Variants in FHOD3 observed in about 807,000 individuals in gnomAD.
The protein encoded by FHOD3 is formin homology 2 domain containing 3.
In FHOD3, 90 loss-of-function variants were observed where a neutral mutation model predicts 173.0. The ratio of observed to expected loss-of-function variants is 0.52; its 90% CI spans 0.44 to 0.62. FHOD3 has a LOEUF of 0.62. Among genes scored for constraint, FHOD3 ranks in the 20% least tolerant of loss-of-function variants. The pLI, the probability that FHOD3 is intolerant of heterozygous loss-of-function variation, is 0.00. For synonymous variants in FHOD3, 828 were observed against 823.0 expected, an observed-to-expected ratio of 1.01 and a Z score of -0.10; for missense variants, 1,945 against 2,034.7, an observed-to-expected ratio of 0.96 and a Z score of 0.85.
chr18:36,747,173 A>G (rs754930622), intron 24 of FHOD3, 38 bp downstream of exon 24: 2 of 1,479,268 alleles, frequency 1.4e-6, no homozygotes, highest in Admixed American at 2.4e-5. Flanking sequence ...TATCAGTACA[A>G]TGGCATATTG....
intron 28 of FHOD3, among the ~76,000 whole-genome samples, chr18:36,771,377 T>C (rs1369389118): frequency 2.0e-5 from 3 of 152,212 alleles, no homozygotes; most frequent in African/African-American, 7.2e-5. Flanking sequence ...CGCTTCCATT[T>C]TTGCCTATCT....
intron 3 of FHOD3, among the ~76,000 whole-genome samples, chr18:36,460,516 G>A (rs1407574011): frequency 2.0e-5 from 3 of 152,294 alleles, no homozygotes; most frequent in South Asian, 2.1e-4. Flanking sequence ...TTTCCAGGGA[G>A]CATTACTGTA....
At chr18:36,511,356 TG>T (rs2055633345) in intron 4 of FHOD3, among the ~76,000 whole-genome samples, 1 of 125,748 alleles carries the variant, frequency 8.0e-6, no homozygotes, top group Admixed American at 7.5e-5. Context: ...ATCTTGCCAA[TG>T]TTTTTTTTTT....
intron 2 of FHOD3, among the ~76,000 whole-genome samples, chr18:36,356,921 A>G (rs139449321): frequency 0.013 from 2,040 of 152,224 alleles, 32 homozygotes; most frequent in African/African-American, 0.046. Context: ...GGCGTGAGTC[A>G]CCATACCCAG....
At chr18:36,561,090 C>T (rs1000897621) in intron 5 of FHOD3, among the ~76,000 whole-genome samples, 1 of 152,088 alleles carries the variant, frequency 6.6e-6, no homozygotes, top group African/African-American at 2.4e-5. Context: ...AATCAAATTT[C>T]ATGTTTCTAG....
chr18:36,717,973 C>T lies in FHOD3; in HGVS notation c.2675C>T (p.Ala892Val). The T allele has an allele frequency of 6.2e-7, 1 of 1,613,828 alleles. No individual in the cohort carries two copies. Among genetic ancestry groups the T allele is most frequent in the Non-Finnish European group, 8.5e-7 (1 of 1,179,890 alleles). Residue 892 changes from alanine (A) to valine (V), a missense_variant, in exon 19 of 29, where the codon GCT becomes GTT. Coordinates refer to ENST00000590592, the MANE Select transcript of FHOD3 (RefSeq NM_001281740.3). ...PDDEEKGDGE[A>V]GRTQQEAEAV... ...GATGAGGAGAAGGGGGATGGGGAGGCTGGGAGGACCCAGCAGGAGGCAGAG... is the reference window on the plus strand; with the variant it reads ...GATGAGGAGAAGGGGGATGGGGAGGTTGGGAGGACCCAGCAGGAGGCAGAG...
intron 9 of FHOD3, 24 bp downstream of exon 9, chr18:36,612,119 G>T: frequency 6.2e-7 from 1 of 1,608,166 alleles, no homozygotes; most frequent in Non-Finnish European, 8.5e-7. Context: ...CCTTTTGTAA[G>T]GTATCGTACA....
chr18:36,671,155 C>G (rs2037506981), intron 14 of FHOD3, among the ~76,000 whole-genome samples: 1 of 152,264 alleles, frequency 6.6e-6, no homozygotes, highest in South Asian at 2.1e-4. Flanking sequence ...ACAGAGGTCT[C>G]TCTCTCTCTG....
At chr18:36,566,290 A>G (rs562242492) in intron 5 of FHOD3, among the ~76,000 whole-genome samples, 1 of 152,330 alleles carries the variant, frequency 6.6e-6, no homozygotes, top group East Asian at 1.9e-4. Flanking sequence ...TGTATCTCTA[A>G]GAAAACATTT....
chr18:36,761,529 C>T (rs2042877709), intron 27 of FHOD3, among the ~76,000 whole-genome samples: 1 of 152,120 alleles, frequency 6.6e-6, no homozygotes, highest in African/African-American at 2.4e-5. Flanking sequence ...GCTTGGCATT[C>T]CCTCACCCTG....
intron 3 of FHOD3, among the ~76,000 whole-genome samples, chr18:36,416,440 G>A (rs1257896089): frequency 1.3e-5 from 2 of 152,186 alleles, no homozygotes; most frequent in East Asian, 1.9e-4. Flanking sequence ...TGGGCATCTC[G>A]ATTCACATCC....
chr18:36,369,490 CACACACACATAT>C (rs1223373857), intron 2 of FHOD3, among the ~76,000 whole-genome samples: 16 of 122,582 alleles, frequency 1.3e-4, no homozygotes, highest in South Asian at 2.8e-4. Flanking sequence ...CACACACACA[CACACACACATAT>C]ATATAGAGAG....
At chr18:36,694,403 G>A (rs942119683) in intron 17 of FHOD3, among the ~76,000 whole-genome samples, 6 of 152,128 alleles carry the variant, frequency 3.9e-5, no homozygotes, top group Non-Finnish European at 7.4e-5. Context: ...CTGCTGGAGC[G>A]GGCCGGCTCC....
chr18:36,593,874 G>A (rs2029871702), intron 6 of FHOD3, among the ~76,000 whole-genome samples: 1 of 152,228 alleles, frequency 6.6e-6, no homozygotes, highest in South Asian at 2.1e-4. Context: ...GCTTGGGGTG[G>A]AATGTACAGC....
chr18:36,724,869 G>A (rs930500299), intron 19 of FHOD3, among the ~76,000 whole-genome samples: 1 of 152,206 alleles, frequency 6.6e-6, no homozygotes, highest in Non-Finnish European at 1.5e-5. Context: ...GAGGAGCTCT[G>A]CCGTGGGCGT....
intron 21 of FHOD3, among the ~76,000 whole-genome samples, chr18:36,742,223 G>A (rs2041937300): frequency 6.6e-6 from 1 of 152,136 alleles, no homozygotes; most frequent in African/African-American, 2.4e-5. Context: ...GAGGGAGGGT[G>A]ATCATGAAAG....
chr18:36,365,297 C>A (rs2046843935), intron 2 of FHOD3, among the ~76,000 whole-genome samples: 2 of 152,076 alleles, frequency 1.3e-5, no homozygotes, highest in African/African-American at 4.8e-5. Context: ...CTTTTGCATC[C>A]CCAAAAGACA....
intron 5 of FHOD3, among the ~76,000 whole-genome samples, chr18:36,571,145 A>AT (rs1214172684): frequency 6.6e-6 from 1 of 152,168 alleles, no homozygotes; most frequent in African/African-American, 2.4e-5. Flanking sequence ...AAAAAATCAA[A>AT]CACTCCTAGA....
At chr18:36,639,476 T>C (rs1032649034) in intron 10 of FHOD3, among the ~76,000 whole-genome samples, 17 of 152,176 alleles carry the variant, frequency 1.1e-4, no homozygotes, top group East Asian at 3.9e-4. Flanking sequence ...ATCAAGACCA[T>C]GGTGAAACCC....
Sources: allele counts gnomAD v4.1 joint callset (sites outside exome capture counted in the v4.1 genomes callset), GRCh38; gene constraint gnomAD v4.1.1; transcripts MANE v1.5; gene names NCBI Gene and HGNC (gene_info 2026-07-23, HGNC 2026-07-21).